Variants in AKAP13 observed in about 807,000 individuals in gnomAD.
AKAP13 encodes A-kinase anchoring protein 13, also known as A-kinase anchor protein 13.
AKAP13 carries 80 observed loss-of-function variants against 264.5 expected under a neutral mutation model. The observed-to-expected ratio is 0.30, with a 90% CI of 0.25 to 0.36. AKAP13 has a LOEUF of 0.36. AKAP13 is among the 10% of genes least tolerant of loss of function. AKAP13 has a pLI of 1.00. For synonymous variants in AKAP13, 1,380 were observed against 1,250.2 expected (o/e 1.10, Z -2.19); for missense variants, 3,712 against 3,435.2 (o/e 1.08, Z -2.01).
At chr15:85,450,414 T>C (rs1482080723) in intron 1 of AKAP13, among the ~76,000 whole-genome samples, 1 of 152,080 alleles carries the variant, frequency 6.6e-6, no homozygotes, top group East Asian at 1.9e-4. Context: ...AGCTTTGGGG[T>C]TGATTTGTTC....
chr15:85,538,766 G>A (rs185186274), intron 4 of AKAP13, among the ~76,000 whole-genome samples: 5 of 150,360 alleles, frequency 3.3e-5, no homozygotes, highest in African/African-American at 1.2e-4. Flanking sequence ...TGGGATTACA[G>A]GCTTGAGCCA....
chr15:85,619,575 C>T, intron 8 of AKAP13: 1 of 985,440 alleles, frequency 1.0e-6, no homozygotes, highest in Non-Finnish European at 1.2e-6. Flanking sequence ...AGAACAGAAT[C>T]TAATGACTTT....
chr15:85,540,475 TCCTAAA>T (rs2077548582), intron 4 of AKAP13, among the ~76,000 whole-genome samples: 1 of 152,130 alleles, frequency 6.6e-6, no homozygotes, highest in African/African-American at 2.4e-5. Flanking sequence ...CCATCCACAA[TCCTAAA>T]GCACAGTTAA....
chr15:85,409,145 A>C (rs1192848659), intron 1 of AKAP13, among the ~76,000 whole-genome samples: 5 of 151,550 alleles, frequency 3.3e-5, no homozygotes, highest in Admixed American at 2.0e-4. Flanking sequence ...TATTTGTTCA[A>C]ATCCTTTGCC....
chr15:85,658,604 T>G lies in AKAP13; in HGVS notation c.4799+14T>G. On this transcript the variant is annotated intron_variant, in intron 12 of 36. Transcript: ENST00000394518. ...TCATAGGAGAAGGTACAGAGTTCATTAACTTGATGGACTAACCATGTCACC... is the reference window on the plus strand; with the variant it reads ...TCATAGGAGAAGGTACAGAGTTCATGAACTTGATGGACTAACCATGTCACC... 1 of 1,609,362 alleles carries G rather than the reference T, an allele frequency of 6.2e-7. No individual in the cohort carries two copies. The highest frequency in any genetic ancestry group is 8.5e-7 in the Non-Finnish European group (1 of 1,176,042).
chr15:85,485,514 A>AT, intron 1 of AKAP13, among the ~76,000 whole-genome samples, 196 bp from the exon 2 acceptor site: 1 of 152,296 alleles, frequency 6.6e-6, no homozygotes, highest in African/African-American at 2.4e-5. Flanking sequence ...ACTTGAAAAG[A>AT]TTGAGTCTGG....
chr15:85,600,180 C>T (rs1376565419), intron 8 of AKAP13, among the ~76,000 whole-genome samples: 3 of 151,940 alleles, frequency 2.0e-5, no homozygotes, highest in South Asian at 2.1e-4. Context: ...CATCTGTGAC[C>T]GACCATGCAC....
intron 1 of AKAP13, among the ~76,000 whole-genome samples, chr15:85,401,157 C>T (rs552213150): frequency 2.0e-5 from 3 of 152,016 alleles, no homozygotes; most frequent in East Asian, 1.9e-4. Flanking sequence ...CCACTGTGCC[C>T]GGCATATTAT....
In AKAP13 at chr15:85,580,506, C is replaced by G; in HGVS notation, c.2438C>G (p.Thr813Arg). Residue 813 changes from threonine (T) to arginine (R), a missense_variant, in exon 7 of 37, where the codon ACA becomes AGA. This residue lies in a region of AKAP13 where 2,759 missense variants were observed against 2,411.7 expected (regional missense o/e 1.14). Coordinates refer to ENST00000394518, the MANE Select transcript of AKAP13 (RefSeq NM_007200.5). Reference sequence around the variant, plus strand: ...GTCCCCTCCCAGAAAGAAAAGGGAACAGCAACTCCTGAACTACATACAGCT... The same window carrying G: ...GTCCCCTCCCAGAAAGAAAAGGGAAGAGCAACTCCTGAACTACATACAGCT... ...SFVPSQKEKG[T>R]ATPELHTATD... 6.2e-7 allele frequency: 1 copy of G among 1,614,230 alleles called. No individual in the cohort carries two copies. Among genetic ancestry groups the G allele is most frequent in the South Asian group, 1.1e-5 (1 of 91,082 alleles).
At chr15:85,425,017 C>A (rs1274748736) in intron 1 of AKAP13, among the ~76,000 whole-genome samples, 1 of 152,052 alleles carries the variant, frequency 6.6e-6, no homozygotes, top group Admixed American at 6.6e-5. Context: ...AAATAAAAAA[C>A]ATAAAAGATC....
intron 10 of AKAP13, among the ~76,000 whole-genome samples, chr15:85,647,598 A>G (rs2082613905): frequency 6.6e-6 from 1 of 151,780 alleles, no homozygotes; most frequent in South Asian, 2.1e-4. Flanking sequence ...AAACTTAAGG[A>G]TTTCTATCAT....
At chr15:85,739,303 TTAAG>T (rs1429426010) in intron 33 of AKAP13, among the ~76,000 whole-genome samples, 4 of 152,226 alleles carry the variant, frequency 2.6e-5, no homozygotes, top group Non-Finnish European at 4.4e-5. Context: ...ATCATTCTTA[TTAAG>T]TTTTTGTTCG....
intron 2 of AKAP13, among the ~76,000 whole-genome samples, chr15:85,488,617 A>T (rs2075637058): frequency 6.6e-6 from 1 of 152,238 alleles, no homozygotes; most frequent in Admixed American, 6.5e-5. Flanking sequence ...TTGTAATTAC[A>T]GGAGTTCTCA....
At chr15:85,403,789 A>G (rs1056834195) in intron 1 of AKAP13, among the ~76,000 whole-genome samples, 12 of 151,358 alleles carry the variant, frequency 7.9e-5, no homozygotes, top group African/African-American at 2.9e-4. Flanking sequence ...AGCGATTCTC[A>G]GTGAGCCTAG....
intron 1 of AKAP13, among the ~76,000 whole-genome samples, chr15:85,480,653 G>A: frequency 6.6e-6 from 1 of 152,046 alleles, no homozygotes; most frequent in East Asian, 1.9e-4. Context: ...TCTGTGAGAT[G>A]TATAAAGCTG....
intron 1 of AKAP13, among the ~76,000 whole-genome samples, chr15:85,461,043 T>C (rs376576838): frequency 6.6e-6 from 1 of 152,162 alleles, no homozygotes; most frequent in South Asian, 2.1e-4. Flanking sequence ...CTCTGTCTTA[T>C]CAAGTTATAT....
At chr15:85,463,117 A>G (rs2074588396) in intron 1 of AKAP13, among the ~76,000 whole-genome samples, 2 of 152,090 alleles carry the variant, frequency 1.3e-5, no homozygotes, top group South Asian at 2.1e-4. Flanking sequence ...ACTGTAGTTC[A>G]GTAAGAATTA....
At chr15:85,696,749 A>C (rs185161830) in intron 17 of AKAP13, among the ~76,000 whole-genome samples, 35 of 152,356 alleles carry the variant, frequency 2.3e-4, no homozygotes, top group Non-Finnish European at 4.3e-4. Context: ...AACCTGCCAA[A>C]TAGAAAATTC....
intron 18 of AKAP13, among the ~76,000 whole-genome samples, chr15:85,709,865 T>G (rs1189486394): frequency 6.6e-6 from 1 of 151,900 alleles, no homozygotes; most frequent in Non-Finnish European, 1.5e-5. Context: ...TTTTTATATT[T>G]TTAGTTGAGA....
Sources: gnomAD v4.1 joint callset for allele counts (sites outside exome capture counted in the v4.1 genomes callset) on GRCh38, gnomAD v4.1.1 for gene constraint, gnomAD v4.1.1 regional missense constraint, MANE v1.5 for transcripts, NCBI Gene and HGNC (gene_info 2026-07-23, HGNC 2026-07-21) for gene names.